USO1: variants seen among roughly 807,000 people sequenced by gnomAD.
The protein encoded by USO1 is general vesicular transport factor p115.
In USO1, 57 loss-of-function variants were observed where a neutral mutation model predicts 124.5. The observed-to-expected ratio is 0.46, with a 90% CI of 0.37 to 0.57. The LOEUF is 0.57. USO1 is among the 20% of genes least tolerant of loss of function. USO1 has a pLI of 0.00. For missense variants in USO1, 900 were observed against 1,040.6 expected (o/e 0.86, Z 1.86); for synonymous variants, 369 against 362.8 (o/e 1.02, Z -0.19).
chr4:75,754,099 T>TC (rs1721367100), intron 3 of USO1, among the ~76,000 whole-genome samples: 2 of 150,944 alleles, frequency 1.3e-5, no homozygotes, highest in Admixed American at 6.7e-5. Context: ...TTTTTTTTTT[T>TC]CAGATAGAGT....
chr4:75,754,515 C>G (rs1037220743), intron 3 of USO1, among the ~76,000 whole-genome samples: 9 of 152,178 alleles, frequency 5.9e-5, no homozygotes, highest in African/African-American at 2.2e-4. Flanking sequence ...TCTACTCTAC[C>G]AAGATCTCTC....
Position 75,777,302 on chromosome 4 carries a change from C to G in USO1, c.676+2506C>G, listed in dbSNP as rs577036491. Among the ~76,000 whole-genome samples, 3 of 152,102 alleles carry G rather than the reference C, an allele frequency of 2.0e-5. No homozygotes were observed. In the East Asian group the frequency reaches 5.8e-4, roughly 29 times the overall value. ...GAATGAAACAATTGATTCTTAGATG[C>G]AATACCAAAAGTGTGATCCATAGAA... On this transcript the variant is annotated intron_variant, in intron 8 of 23. Coordinates refer to ENST00000514213, the MANE Select transcript of USO1 (RefSeq NM_003715.4).
intron 1 of USO1, chr4:75,725,097 G>C (rs558377614): frequency 1.7e-6 from 1 of 603,790 alleles, no homozygotes; most frequent in African/African-American, 1.9e-5. Flanking sequence ...CGGCCGGACT[G>C]ACGGCGGCCG....
rs746029369 is a variant in USO1 at position 75,757,554 on chromosome 4, TGAA to T, written c.290_292del (p.Glu97del). 114 of 1,491,874 alleles carry T rather than the reference TGAA, an allele frequency of 7.6e-5. No homozygotes were observed. Among genetic ancestry groups the T allele is most frequent in the Middle Eastern group, 3.5e-4 (2 of 5,646 alleles). The allele number at this position is 1,491,874 out of a possible 1,614,324, so 92.4% of individuals were successfully genotyped here. On this transcript the variant is annotated inframe_deletion, in exon 4 of 24. Transcript: ENST00000514213. ...ACACACTATATAATATAATATCTAA[TGAA>T]GAAGAAGAAGAAGTAGGTAAGTTTC...
At position 75,745,377 on chromosome 4, in the gene USO1, A is replaced by G. The variant is rs777238648; in HGVS notation, c.67-6996A>G. ...GACAGTTGTGCAAGTGGAGCTATTC[A>G]CAGGGACTGTATTACTATGTTCCTT... On this transcript the variant is annotated intron_variant, in intron 1 of 23. Transcript: ENST00000514213. The G allele has an allele frequency of 7.7e-6, 4 of 518,960 alleles. No individual in the cohort carries two copies. The Admixed American group carries it at 7.8e-5, about 10-fold the overall frequency. The allele number at this position is 518,960 out of a possible 1,614,324, so 32.1% of individuals were successfully genotyped here.
chr4:75,749,582 A>G (rs1215612273), intron 1 of USO1, among the ~76,000 whole-genome samples: 1 of 151,546 alleles, frequency 6.6e-6, no homozygotes, highest in Non-Finnish European at 1.5e-5. Context: ...TATTTTTTGT[A>G]GAGACATGGT....
rs976099818 is a variant in USO1 at position 75,724,601 on chromosome 4, C to A, written c.-219C>A. The A allele has an allele frequency of 5.3e-6, 3 of 565,542 alleles. No homozygotes were observed. Among genetic ancestry groups the A allele is most frequent in the African/African-American group, 2.0e-5 (1 of 50,960 alleles). 35.0% of individuals were successfully genotyped at this position (565,542 alleles called of 1,614,324 possible). ...CCCCTTTTGCCTTCAACCTTCGAGC[C>A]GCCACGTAATGCCACGTCCCCGCGC... is the stretch of plus-strand genomic sequence containing the variant. On this transcript the variant is annotated 5_prime_UTR_variant, in exon 1 of 24. Transcript: ENST00000514213.
chr4:75,763,506 C>A (rs1327282459), intron 4 of USO1, among the ~76,000 whole-genome samples: 1 of 152,088 alleles, frequency 6.6e-6, no homozygotes, highest in African/African-American at 2.4e-5. Flanking sequence ...ACATTTTCAA[C>A]CTATGATATT....
Position 75,804,222 on chromosome 4 carries a change from C to T in USO1, c.2075C>T (p.Ser692Leu). The change falls in exon 18 of 24, where the codon TCA (serine) becomes TTA (leucine). Residue 692 changes from serine to leucine, a missense_variant. Ser to Leu is a moderately radical substitution (Grantham distance 145, BLOSUM62 -2). Transcript: ENST00000514213. ...CAGACGGCAGTCACACAGCAAGTAT[C>T]ACAGATCCAGCAGCACAAAGACCAG... The part of the protein sequence containing the change: ...QLQTAVTQQV[S>L]QIQQHKDQYN... The T allele has an allele frequency of 6.2e-7, 1 of 1,613,606 alleles. No homozygotes were observed. Among genetic ancestry groups the T allele is most frequent in the Non-Finnish European group, 8.5e-7 (1 of 1,179,716 alleles).
Position 75,790,709 on chromosome 4 carries a change from T to C in USO1, c.1152T>C (p.Ala384=). ...GGCAGCCATTTGTTTTGCGCTGTGC[T>C]GTTCTCTATTGTTTCCAGTGTTTCT... The part of the protein sequence containing the change: ...NERQPFVLRC[A]VLYCFQCFLY... Residue 384 remains alanine (A), a synonymous_variant, in exon 12 of 24, where the codon GCT becomes GCC. Coordinates refer to ENST00000514213, the MANE Select transcript of USO1 (RefSeq NM_003715.4). 6.2e-7 allele frequency: 1 copy of C among 1,613,810 alleles called. No individual in the cohort carries two copies. The highest frequency in any genetic ancestry group is 8.5e-7 in the Non-Finnish European group (1 of 1,179,772).
chr4:75,798,839 T>TA (rs1290729018), intron 13 of USO1, among the ~76,000 whole-genome samples: 1 of 152,152 alleles, frequency 6.6e-6, no homozygotes, highest in African/African-American at 2.4e-5. Flanking sequence ...TTTGTTTTTT[T>TA]AAAAAAAGAT....
At chr4:75,789,218 A>C (rs1222237501) in intron 10 of USO1, among the ~76,000 whole-genome samples, 1 of 152,184 alleles carries the variant, frequency 6.6e-6, no homozygotes, top group Non-Finnish European at 1.5e-5. Flanking sequence ...GGAAATATAC[A>C]TCCTTCAGTT....
chr4:75,810,140 C>CTG (rs1169284238), intron 21 of USO1, among the ~76,000 whole-genome samples: 1 of 152,062 alleles, frequency 6.6e-6, no homozygotes, highest in Admixed American at 6.6e-5. Flanking sequence ...TTATTAAATG[C>CTG]TGGGTTACAG....
Position 75,757,573 on chromosome 4 carries a change from G to T in USO1, c.295G>T (p.Glu99Ter). 2 of 1,485,050 alleles carry T rather than the reference G, an allele frequency of 1.3e-6. No homozygotes were observed. Among genetic ancestry groups the T allele is most frequent in the South Asian group, 1.4e-5 (1 of 72,480 alleles). The allele number at this position is 1,485,050 out of a possible 1,614,324, so 92.0% of individuals were successfully genotyped here. The stretch of plus-strand genomic sequence containing the variant: ...ATCTAATGAAGAAGAAGAAGAAGTA[G>T]GTAAGTTTCCAGTTATTTTTACTGT... ...IISNEEEEEV[E>*]ENSTRQSEDL... Residue 99 changes from glutamate to a stop codon, truncating the protein, a stop_gained and splice_region_variant, in exon 4 of 24, where the codon GAA becomes TAA. Coordinates refer to ENST00000514213, the MANE Select transcript of USO1 (RefSeq NM_003715.4). LOFTEE classifies it high-confidence loss of function.
At chr4:75,756,804 C>CA (rs1721458954) in intron 3 of USO1, among the ~76,000 whole-genome samples, 1 of 151,832 alleles carries the variant, frequency 6.6e-6, no homozygotes. Flanking sequence ...TGAGCAACCG[C>CA]ACCGGGCACC....
chr4:75,773,907 T>A (rs1046347865), intron 7 of USO1, among the ~76,000 whole-genome samples: 3 of 38,646 alleles, frequency 7.8e-5, no homozygotes, highest in Non-Finnish European at 1.3e-4. Flanking sequence ...TACAATAATA[T>A]CTGTGCTTTT....
chr4:75,743,337 T>A (rs1044462146), intron 1 of USO1, among the ~76,000 whole-genome samples: 3 of 152,172 alleles, frequency 2.0e-5, no homozygotes, highest in African/African-American at 7.2e-5. Context: ...CTTCTGATGG[T>A]AACATACTCA....
At chr4:75,738,389 G>C (rs113699767) in intron 1 of USO1, among the ~76,000 whole-genome samples, 1 of 151,816 alleles carries the variant, frequency 6.6e-6, no homozygotes, top group Non-Finnish European at 1.5e-5. Flanking sequence ...CCTGGGAGGC[G>C]GAGGTTGCAG....
intron 1 of USO1, among the ~76,000 whole-genome samples, chr4:75,736,942 G>T (rs996534435): frequency 3.3e-5 from 5 of 151,992 alleles, no homozygotes; most frequent in African/African-American, 1.2e-4. Context: ...TTAACACAAG[G>T]GTCACAAATT....
Sources: allele counts gnomAD v4.1 joint callset (sites outside exome capture counted in the v4.1 genomes callset), GRCh38; gene constraint gnomAD v4.1.1; transcripts MANE v1.5; gene names NCBI Gene and HGNC (gene_info 2026-07-23, HGNC 2026-07-21).